Variants in AGBL1 observed in about 807,000 individuals in gnomAD.
AGBL1 encodes the protein AGBL carboxypeptidase 1, also known as cytosolic carboxypeptidase 4.
AGBL1 carries 130 observed loss-of-function variants against 118.9 expected under a neutral mutation model. The observed-to-expected ratio is 1.09, with a 90% CI of 0.95 to 1.26. The LOEUF (loss-of-function observed/expected upper bound fraction) is 1.26. Ranked by LOEUF, AGBL1 falls within the 50% of genes most tolerant of loss-of-function variation. AGBL1 has a pLI of 0.00. For missense variants in AGBL1, 1,584 were observed against 1,298.1 expected (o/e 1.22, Z -3.38); for synonymous variants, 555 against 478.9 (o/e 1.16, Z -2.08).
intron 1 of AGBL1, among the ~76,000 whole-genome samples, chr15:86,082,161 CT>C (rs1895331197): frequency 6.6e-6 from 1 of 152,184 alleles, no homozygotes; most frequent in Admixed American, 6.5e-5. Context: ...CTCTGAAACG[CT>C]TTTTAAAAAA....
chr15:86,667,872 A>C (rs2085674694), intron 21 of AGBL1, among the ~76,000 whole-genome samples: 1 of 152,222 alleles, frequency 6.6e-6, no homozygotes, highest in Admixed American at 6.5e-5. Flanking sequence ...GGAATACCTG[A>C]GAGTGAGTAA....
At chr15:86,627,313 A>G (rs2084903422) in intron 21 of AGBL1, among the ~76,000 whole-genome samples, 1 of 152,210 alleles carries the variant, frequency 6.6e-6, no homozygotes, top group Non-Finnish European at 1.5e-5. Flanking sequence ...TATAATTTTT[A>G]TAAAGAAGTT....
chr15:86,734,856 C>G (rs78865036), intron 22 of AGBL1, among the ~76,000 whole-genome samples: 130 of 152,116 alleles, frequency 8.5e-4, no homozygotes, highest in Non-Finnish European at 1.5e-3. Context: ...TGCCACTGTT[C>G]CCTGAGTGAG....
At chr15:86,923,525 C>T (rs1459141598) in intron 23 of AGBL1, among the ~76,000 whole-genome samples, 1 of 152,212 alleles carries the variant, frequency 6.6e-6, no homozygotes, top group East Asian at 1.9e-4. Flanking sequence ...CTCCTACTCT[C>T]TCTGTGCTTC....
chr15:86,417,001 A>G (rs1348509379), intron 18 of AGBL1, among the ~76,000 whole-genome samples: 1 of 152,178 alleles, frequency 6.6e-6, no homozygotes, highest in African/African-American at 2.4e-5. Flanking sequence ...CTCTACATGA[A>G]TATATTTCTG....
intron 23 of AGBL1, among the ~76,000 whole-genome samples, chr15:86,940,128 C>T (rs538294116): frequency 3.1e-5 from 4 of 130,964 alleles, no homozygotes; most frequent in African/African-American, 1.2e-4. Context: ...AGCCTGGGCT[C>T]GAACTTCTAT....
intron 18 of AGBL1, among the ~76,000 whole-genome samples, chr15:86,420,906 G>T (rs1266850157): frequency 6.6e-6 from 1 of 152,140 alleles, no homozygotes; most frequent in African/African-American, 2.4e-5. Flanking sequence ...GATGTGATTA[G>T]AGAAAAAAGA....
chr15:86,369,624 TAAC>T (rs2080942327), intron 17 of AGBL1, among the ~76,000 whole-genome samples: 1 of 152,004 alleles, frequency 6.6e-6, no homozygotes. Context: ...TGGCTAAAAT[TAAC>T]AGTTTGAGAA....
At chr15:86,624,650 G>C (rs1234981464) in intron 21 of AGBL1, among the ~76,000 whole-genome samples, 1 of 152,178 alleles carries the variant, frequency 6.6e-6, no homozygotes, top group Non-Finnish European at 1.5e-5. Flanking sequence ...CCAAAAGGAG[G>C]AATAATCCAC....
intron 22 of AGBL1, among the ~76,000 whole-genome samples, chr15:86,858,425 TC>T: frequency 6.6e-6 from 1 of 152,080 alleles, no homozygotes; most frequent in South Asian, 2.1e-4. Context: ...GGAGACAGTT[TC>T]TGACTTCAAG....
At chr15:86,604,541 G>A (rs2084544051) in intron 21 of AGBL1, among the ~76,000 whole-genome samples, 1 of 152,050 alleles carries the variant, frequency 6.6e-6, no homozygotes, top group African/African-American at 2.4e-5. Flanking sequence ...ACTAGCTTGT[G>A]GATCACCACA....
rs571622958 is a variant in AGBL1 at position 86,511,240 on chromosome 15, G to A, written c.2556-11570G>A. On this transcript the variant is annotated intron_variant, in intron 18 of 22. Coordinates refer to ENST00000614907, the MANE Select transcript of AGBL1 (RefSeq NM_001386094.1). ...ATGTCAGAAGATTTCTAAGGCTTAT[G>A]GTCAGGTGACAGCACTGGCCTCACA... Among the ~76,000 whole-genome samples, 16 of 152,118 alleles carry A rather than the reference G, an allele frequency of 1.1e-4. No individual in the cohort carries two copies. In the South Asian group the frequency reaches 3.3e-3, roughly 32 times the overall value.
intron 22 of AGBL1, among the ~76,000 whole-genome samples, chr15:86,730,589 G>T (rs565895709): frequency 6.6e-6 from 1 of 152,158 alleles, no homozygotes; most frequent in East Asian, 1.9e-4. Flanking sequence ...ACAGTTAAGT[G>T]CATGGGCTGC....
chr15:86,901,606 T>C (rs2080213069), intron 22 of AGBL1, among the ~76,000 whole-genome samples: 1 of 152,154 alleles, frequency 6.6e-6, no homozygotes, highest in Non-Finnish European at 1.5e-5. Context: ...TTACCCTTTC[T>C]TTAAATAATT....
rs184934916 is a variant in AGBL1 at position 86,567,263 on chromosome 15, T to A, written c.2994+12726T>A. On this transcript the variant is annotated intron_variant, in intron 21 of 22. Transcript: ENST00000614907. ...GGGTTGAGAACCACAGATTTTGGCT[T>A]TCATAGACACTAATATCCATATACC... 8.7e-4 allele frequency among the ~76,000 whole-genome samples: 133 copies of A among 152,338 alleles called. No homozygotes were observed. In the Middle Eastern group the frequency reaches 0.017, roughly 19 times the overall value.
chr15:86,678,768 C>G (rs995425403), intron 22 of AGBL1, among the ~76,000 whole-genome samples: 2 of 152,036 alleles, frequency 1.3e-5, no homozygotes, highest in African/African-American at 4.8e-5. Flanking sequence ...CTGAGGTAGG[C>G]AGGTAGTTTT....
At chr15:86,247,636 C>A (rs759052200) in intron 6 of AGBL1, 35 bp from the exon 7 acceptor site, 6 of 1,555,990 alleles carry the variant, frequency 3.9e-6, no homozygotes, top group Non-Finnish European at 5.2e-6. Flanking sequence ...CTGTGGAGAG[C>A]CTGTGACTGA....
intron 5 of AGBL1, among the ~76,000 whole-genome samples, chr15:86,207,753 T>C (rs2078018939): frequency 6.6e-6 from 1 of 152,234 alleles, no homozygotes; most frequent in African/African-American, 2.4e-5. Flanking sequence ...TTGTGTCATC[T>C]GCAAACAGGG....
chr15:86,543,629 C>T (rs1163269766), intron 19 of AGBL1, among the ~76,000 whole-genome samples: 1 of 152,006 alleles, frequency 6.6e-6, no homozygotes. Flanking sequence ...AAGAAAGATA[C>T]AGGAAAAATA....
Sources: allele counts gnomAD v4.1 joint callset (sites outside exome capture counted in the v4.1 genomes callset), GRCh38; gene constraint gnomAD v4.1.1; transcripts MANE v1.5; gene names NCBI Gene and HGNC (gene_info 2026-07-23, HGNC 2026-07-21).